The following MAP3K4 variants were observed in gnomAD, a reference collection of about 807,000 sequenced individuals.
MAP3K4 encodes the protein mitogen-activated protein kinase kinase kinase 4, also known as MAP three kinase 1.
In MAP3K4, 67 loss-of-function variants were observed where a neutral mutation model predicts 185.6. The ratio of observed to expected loss-of-function variants is 0.36; its 90% confidence interval spans 0.30 to 0.44. MAP3K4 has a LOEUF of 0.44. MAP3K4 is among the 20% of genes least tolerant of loss of function. The pLI, the probability that MAP3K4 is intolerant of heterozygous loss-of-function variation, is 1.00. For synonymous variants in MAP3K4, 702 were observed against 710.4 expected, an observed-to-expected ratio of 0.99 and a Z score of 0.19; for missense variants, 1,551 against 1,995.1, an observed-to-expected ratio of 0.78 and a Z score of 4.24.
At chr6:161,041,912 C>CTTTTTTTTATTTTTTTTTT (rs1783474819) in intron 2 of MAP3K4, among the ~76,000 whole-genome samples, 1 of 64,046 alleles carries the variant, frequency 1.6e-5, no homozygotes. Context: ...GTTATTGTTT[C>CTTTTTTTTATTTTTTTTTT]TTTTTTTTTT....
rs1014352963 is a variant in MAP3K4 at position 161,056,334 on chromosome 6, G to T, written c.1707+6355G>T. On this transcript the variant is annotated intron_variant, in intron 3 of 26. Coordinates refer to ENST00000392142, the MANE Select transcript of MAP3K4 (RefSeq NM_005922.4). The surrounding 1 kb of genome is among the most constrained non-coding windows in gnomAD (Gnocchi z 5.4). Reference sequence around the variant, plus strand: ...AAATGAAGATGTGGGCACTGGGTGTGTTCGGTGCTGTTGGGGTGTCATTGC... The same window carrying T: ...AAATGAAGATGTGGGCACTGGGTGTTTTCGGTGCTGTTGGGGTGTCATTGC... Among the ~76,000 whole-genome samples the T allele has an allele frequency of 3.9e-5, 6 of 152,196 alleles. No individual in the cohort carries two copies. The highest frequency in any genetic ancestry group is 1.4e-4 in the African/African-American group (6 of 41,434).
chr6:161,108,481 G>A lies in MAP3K4; in HGVS notation c.4120-262G>A, dbSNP rs1483289450. On this transcript the variant is annotated intron_variant, in intron 21 of 26. Transcript: ENST00000392142. This position sits in a 1 kb window ranked among gnomAD's most constrained non-coding sequence, Gnocchi z 5.7. ...TCCAGCGTCTTGCACTTGCCGTGGAGCCGCGTCCTCCTCCACATGGCGCTC... is the reference window on the plus strand; with the variant it reads ...TCCAGCGTCTTGCACTTGCCGTGGAACCGCGTCCTCCTCCACATGGCGCTC... Among the ~76,000 whole-genome samples, 1 of 152,124 alleles carries A rather than the reference G, an allele frequency of 6.6e-6. No individual in the cohort carries two copies. The highest frequency in any genetic ancestry group is 1.5e-5 in the Non-Finnish European group (1 of 68,032).
chr6:161,001,979 A>G (rs1221214275), intron 1 of MAP3K4, among the ~76,000 whole-genome samples: 1 of 151,864 alleles, frequency 6.6e-6, no homozygotes, highest in Non-Finnish European at 1.5e-5. Context: ...TTTTAAAAAT[A>G]GCTGCAATAA....
chr6:161,026,341 T>C (rs539938220), intron 1 of MAP3K4, among the ~76,000 whole-genome samples: 5 of 152,222 alleles, frequency 3.3e-5, no homozygotes, highest in East Asian at 1.9e-4. Flanking sequence ...TTCACCATGT[T>C]AGCCAGGATG....
intron 1 of MAP3K4, among the ~76,000 whole-genome samples, chr6:161,020,551 G>A (rs759982408): frequency 6.6e-6 from 1 of 151,712 alleles, no homozygotes; most frequent in East Asian, 1.9e-4. Flanking sequence ...CCAGCAACTC[G>A]GGAGGCTGAG....
At chr6:161,083,869 T>C (rs1785574265) in intron 6 of MAP3K4, among the ~76,000 whole-genome samples, 1 of 152,226 alleles carries the variant, frequency 6.6e-6, no homozygotes, top group Non-Finnish European at 1.5e-5. Flanking sequence ...CCGACAAGCC[T>C]AGCACTTACC....
In MAP3K4 at chr6:161,087,895, G is replaced by A; in HGVS notation, c.2764G>A (p.Ala922Thr). ...AGAGGACAGCTGGGGCACCTGGGAG[G>A]CACAGCCTGTCAAAGTCGTGCCTCA... ...DSEDSWGTWE[A>T]QPVKVVPQVE... The change falls in exon 10 of 27, where the codon GCA (alanine) becomes ACA (threonine). Residue 922 changes from alanine (A) to threonine (T), a missense_variant. Physicochemically the swap from Ala to Thr is moderately conservative, Grantham distance 58 (BLOSUM62 0). Around this residue, in one of 16 missense-constraint regions of MAP3K4, gnomAD observed 261 missense variants for 306.5 expected, o/e 0.85. Coordinates refer to ENST00000392142, the MANE Select transcript of MAP3K4 (RefSeq NM_005922.4). This position sits in a 1 kb window ranked among gnomAD's most constrained non-coding sequence, Gnocchi z 4.9. 6.2e-7 allele frequency: 1 copy of A among 1,614,082 alleles called. No individual in the cohort carries two copies. The highest frequency in any genetic ancestry group is 2.2e-5 in the East Asian group (1 of 44,878).
chr6:161,108,082 C>A lies in MAP3K4; in HGVS notation c.4119+113C>A. On this transcript the variant is annotated intron_variant, in intron 21 of 26. Coordinates refer to ENST00000392142, the MANE Select transcript of MAP3K4 (RefSeq NM_005922.4). The surrounding 1 kb of genome is among the most constrained non-coding windows in gnomAD (Gnocchi z 5.7). Reference sequence around the variant, plus strand: ...CTGTGCGTAGAGCTGTCTTCAGCACCAGCACTGCGACAGTCAGGACCAACC... The same window carrying A: ...CTGTGCGTAGAGCTGTCTTCAGCACAAGCACTGCGACAGTCAGGACCAACC... 1.1e-6 allele frequency: 1 copy of A among 894,382 alleles called. No individual in the cohort carries two copies. Among genetic ancestry groups the A allele is most frequent in the Non-Finnish European group, 1.7e-6 (1 of 582,284 alleles). 55.4% of individuals were successfully genotyped at this position (894,382 alleles called of 1,614,324 possible).
At chr6:161,047,032 A>G (rs948799927) in intron 2 of MAP3K4, among the ~76,000 whole-genome samples, 1 of 147,016 alleles carries the variant, frequency 6.8e-6, no homozygotes, top group Non-Finnish European at 1.5e-5. Context: ...CTTATAATTG[A>G]TGGTGTGTTC....
Position 161,070,154 on chromosome 6 carries a change from T to G in MAP3K4, c.1708-454T>G, listed in dbSNP as rs1362465711. On this transcript the variant is annotated intron_variant, in intron 3 of 26. Coordinates refer to ENST00000392142, the MANE Select transcript of MAP3K4 (RefSeq NM_005922.4). This position sits in a 1 kb window ranked among gnomAD's most constrained non-coding sequence, Gnocchi z 4.5. ...AATTAGTGGAACTGATTAGTTTTTA[T>G]GTTTTCATAAATGGCTACTTAGGAT... Among the ~76,000 whole-genome samples the G allele has an allele frequency of 2.6e-5, 4 of 152,242 alleles. No individual in the cohort carries two copies. Among genetic ancestry groups the G allele is most frequent in the African/African-American group, 9.6e-5 (4 of 41,456 alleles).
At position 161,074,294 on chromosome 6, in the gene MAP3K4, C is replaced by T. The variant is rs991158016; in HGVS notation, c.2097+682C>T. Among the ~76,000 whole-genome samples, 1 of 152,304 alleles carries T rather than the reference C, an allele frequency of 6.6e-6. No homozygotes were observed. The highest frequency in any genetic ancestry group is 6.5e-5 in the Admixed American group (1 of 15,308). ...AGGAGTAGACCTATTTTTATTTTGTCATAAAAAGAGACCTCCTGTCTTCTC... is the reference window on the plus strand; with the variant it reads ...AGGAGTAGACCTATTTTTATTTTGTTATAAAAAGAGACCTCCTGTCTTCTC... On this transcript the variant is annotated intron_variant, in intron 5 of 26. Coordinates refer to ENST00000392142, the MANE Select transcript of MAP3K4 (RefSeq NM_005922.4). The surrounding 1 kb of genome is among the most constrained non-coding windows in gnomAD (Gnocchi z 5.0).
At chr6:161,058,259 A>G (rs2114784212) in intron 3 of MAP3K4, among the ~76,000 whole-genome samples, 1 of 152,318 alleles carries the variant, frequency 6.6e-6, no homozygotes, top group South Asian at 2.1e-4. Context: ...TAAATGGGAA[A>G]ATCCAGATTT....
At position 161,112,824 on chromosome 6, in the gene MAP3K4, C is replaced by A; in HGVS notation, c.4626+50C>A. 7.9e-7 allele frequency: 1 copy of A among 1,259,152 alleles called. No homozygotes were observed. Among genetic ancestry groups the A allele is most frequent in the Non-Finnish European group, 1.1e-6 (1 of 915,124 alleles). The allele number at this position is 1,259,152 out of a possible 1,614,324, so 78.0% of individuals were successfully genotyped here. ...GGAGCAACTTCAGAAGGGCACTGTG[C>A]ATTAACAGAACAGTAGTTATGGATT... On this transcript the variant is annotated intron_variant, in intron 25 of 26. Transcript: ENST00000392142. The surrounding 1 kb of genome is among the most constrained non-coding windows in gnomAD (Gnocchi z 5.1).
At chr6:161,014,915 G>T (rs1007204584) in intron 1 of MAP3K4, among the ~76,000 whole-genome samples, 1 of 152,000 alleles carries the variant, frequency 6.6e-6, no homozygotes, top group Non-Finnish European at 1.5e-5. Flanking sequence ...CCCCCTGCCC[G>T]GTCCCCAACC....
rs1777652783 is a variant in MAP3K4, at chr6:161,098,130, C to T, written c.3525-148C>T. On this transcript the variant is annotated intron_variant, in intron 16 of 26. Coordinates refer to ENST00000392142, the MANE Select transcript of MAP3K4 (RefSeq NM_005922.4). The surrounding 1 kb of genome is among the most constrained non-coding windows in gnomAD (Gnocchi z 4.4). The stretch of plus-strand genomic sequence containing the variant: ...GAAGTTAGGTTTTTTCTTTTTTACA[C>T]CTAGACTCAAATCTCAAAGAACAAT... 3 of 963,544 alleles carry T rather than the reference C, an allele frequency of 3.1e-6. No homozygotes were observed. The highest frequency in any genetic ancestry group is 2.4e-5 in the Admixed American group (1 of 42,024). The allele number at this position is 963,544 out of a possible 1,614,324, so 59.7% of individuals were successfully genotyped here.
At position 161,115,449 on chromosome 6, in the gene MAP3K4, T is replaced by C; in HGVS notation, c.4806+147T>C. 1 of 806,402 alleles carries C rather than the reference T, an allele frequency of 1.2e-6. No homozygotes were observed. Among genetic ancestry groups the C allele is most frequent in the Non-Finnish European group, 1.9e-6 (1 of 530,464 alleles). The allele number at this position is 806,402 out of a possible 1,614,324, so 50.0% of individuals were successfully genotyped here. On this transcript the variant is annotated intron_variant, in intron 26 of 26. Coordinates refer to ENST00000392142, the MANE Select transcript of MAP3K4 (RefSeq NM_005922.4). This position sits in a 1 kb window ranked among gnomAD's most constrained non-coding sequence, Gnocchi z 6.0. Reference sequence around the variant, plus strand: ...TGTATTATTATGCCAGGGATTTTTGTATGTGTTTTTTCATTTGGAAAATGT... The same window carrying C: ...TGTATTATTATGCCAGGGATTTTTGCATGTGTTTTTTCATTTGGAAAATGT...
At chr6:161,004,214 G>A (rs564761035) in intron 1 of MAP3K4, among the ~76,000 whole-genome samples, 20 of 152,052 alleles carry the variant, frequency 1.3e-4, no homozygotes, top group Admixed American at 3.9e-4. Flanking sequence ...AATTAAGTTG[G>A]GACCAAGTCA....
In MAP3K4 at chr6:161,091,595, A is replaced by G. The variant is rs1459649906; in HGVS notation, c.3135+55A>G. ...CAATTTAGTAATTGCTTGATAACTT[A>G]CAGAAAGTTTTTGGAACCTTTTACA... On this transcript the variant is annotated intron_variant, in intron 12 of 26. Transcript: ENST00000392142. The surrounding 1 kb of genome is among the most constrained non-coding windows in gnomAD (Gnocchi z 5.5). The G allele has an allele frequency of 2.0e-6, 3 of 1,533,606 alleles. No individual in the cohort carries two copies. Among genetic ancestry groups the G allele is most frequent in the South Asian group, 1.2e-5 (1 of 82,468 alleles). 95.0% of individuals were successfully genotyped at this position (1,533,606 alleles called of 1,614,324 possible).
At chr6:161,072,288 G>A (rs972610371) in intron 4 of MAP3K4, among the ~76,000 whole-genome samples, 65 of 152,224 alleles carry the variant, frequency 4.3e-4, no homozygotes, top group African/African-American at 1.5e-3. Context: ...TACAAAAAAA[G>A]ATAAAAAATC....
Sources: allele counts gnomAD v4.1 joint callset (sites outside exome capture counted in the v4.1 genomes callset), GRCh38; gene constraint gnomAD v4.1.1; regional missense constraint gnomAD v4.1.1; non-coding constraint Gnocchi (gnomAD v3.1); transcripts MANE v1.5; gene names NCBI Gene and HGNC (gene_info 2026-07-23, HGNC 2026-07-21).